GPC5: variants seen among roughly 807,000 people sequenced by gnomAD.
GPC5 encodes glypican-5.
GPC5 carries 47 observed loss-of-function variants against 53.9 expected under a neutral mutation model. The ratio of observed to expected loss-of-function variants is 0.87; its 90% CI spans 0.69 to 1.11. GPC5 has a LOEUF of 1.11. GPC5 is among the 50% of genes most tolerant of loss of function. The pLI is 0.00. For missense variants in GPC5, 748 were observed against 713.1 expected (o/e 1.05, Z -0.56); for synonymous variants, 286 against 263.3 (o/e 1.09, Z -0.84).
Position 91,482,291 on chromosome 13 carries a change from A to T in GPC5, c.325+33369A>T, listed in dbSNP as rs574195466. Reference sequence around the variant, plus strand: ...AGTGTTCTTCCTCTTGGGAGAATGTAGTGTTCAAGGTACCATCTTGGAATC... The same window carrying T: ...AGTGTTCTTCCTCTTGGGAGAATGTTGTGTTCAAGGTACCATCTTGGAATC... On this transcript the variant is annotated intron_variant, in intron 2 of 7. Transcript: ENST00000377067. Among the ~76,000 whole-genome samples, 67 of 152,270 alleles carry T rather than the reference A, an allele frequency of 4.4e-4. 1 individual carries two copies. The highest frequency in any genetic ancestry group is 3.1e-3 in the Admixed American group (47 of 15,286).
At chr13:92,326,207 T>G (rs917979357) in intron 7 of GPC5, among the ~76,000 whole-genome samples, 21 of 152,088 alleles carry the variant, frequency 1.4e-4, no homozygotes, top group Admixed American at 1.4e-3. Context: ...AGATTTCTGA[T>G]GTTCTCATTC....
intron 2 of GPC5, among the ~76,000 whole-genome samples, chr13:91,490,137 G>T (rs376742055): frequency 2.2e-4 from 34 of 151,814 alleles, no homozygotes; most frequent in Non-Finnish European, 4.0e-4. Context: ...ATTTATTTTC[G>T]CAGAAGAATG....
intron 5 of GPC5, among the ~76,000 whole-genome samples, chr13:91,893,657 T>C (rs1347207858): frequency 3.9e-5 from 6 of 152,282 alleles, no homozygotes; most frequent in Non-Finnish European, 2.9e-5. Flanking sequence ...AAATAGGACC[T>C]GTTTACATGA....
At chr13:91,844,845 C>A (rs2038830417) in intron 5 of GPC5, among the ~76,000 whole-genome samples, 1 of 152,062 alleles carries the variant, frequency 6.6e-6, no homozygotes, top group African/African-American at 2.4e-5. Context: ...CCTTTCTCTG[C>A]CTCCTGAGTA....
chr13:91,797,270 A>C (rs2038061147), intron 5 of GPC5, among the ~76,000 whole-genome samples: 1 of 152,150 alleles, frequency 6.6e-6, no homozygotes, highest in South Asian at 2.1e-4. Flanking sequence ...GTACTAGTTC[A>C]ATTAGAATGT....
intron 2 of GPC5, among the ~76,000 whole-genome samples, chr13:91,679,797 T>C (rs2035465844): frequency 6.6e-6 from 1 of 152,210 alleles, no homozygotes; most frequent in South Asian, 2.1e-4. Flanking sequence ...ACACATATTT[T>C]TCATGTTCTA....
intron 2 of GPC5, among the ~76,000 whole-genome samples, chr13:91,640,178 A>AACTATC (rs1402775873): frequency 6.6e-6 from 1 of 152,210 alleles, no homozygotes. Flanking sequence ...TAGCAAAAGA[A>AACTATC]ACTATCATTG....
intron 2 of GPC5, among the ~76,000 whole-genome samples, chr13:91,589,452 A>C (rs1424670754): frequency 6.6e-6 from 1 of 152,070 alleles, no homozygotes; most frequent in East Asian, 1.9e-4. Context: ...GAGCCTGTCC[A>C]AGACAGCTTC....
chr13:92,581,696 TC>T (rs1883376726), intron 7 of GPC5, among the ~76,000 whole-genome samples: 1 of 152,288 alleles, frequency 6.6e-6, no homozygotes, highest in East Asian at 1.9e-4. Context: ...TTAAAAAGTT[TC>T]CCCTTTCTTC....
intron 7 of GPC5, among the ~76,000 whole-genome samples, chr13:92,425,998 TC>T (rs1876815815): frequency 6.6e-6 from 1 of 152,026 alleles, no homozygotes; most frequent in South Asian, 2.1e-4. Flanking sequence ...ATTTAATCAT[TC>T]CCCTGTTGAT....
chr13:92,500,868 A>G (rs1180305534), intron 7 of GPC5, among the ~76,000 whole-genome samples: 2 of 152,176 alleles, frequency 1.3e-5, no homozygotes, highest in African/African-American at 4.8e-5. Flanking sequence ...TTTCTGGATA[A>G]AAGACCAAAA....
chr13:92,826,738 C>T (rs540590227), intron 7 of GPC5, among the ~76,000 whole-genome samples: 1 of 152,088 alleles, frequency 6.6e-6, no homozygotes, highest in Non-Finnish European at 1.5e-5. Flanking sequence ...AATTTTTTAC[C>T]AGCATTAACG....
intron 7 of GPC5, among the ~76,000 whole-genome samples, chr13:92,827,554 G>A (rs1386535112): frequency 6.6e-6 from 1 of 152,150 alleles, no homozygotes; most frequent in Non-Finnish European, 1.5e-5. Flanking sequence ...ATAACAGTGA[G>A]GGAGAGGAAT....
At chr13:92,178,873 A>C (rs1190144560) in intron 7 of GPC5, among the ~76,000 whole-genome samples, 2 of 152,122 alleles carry the variant, frequency 1.3e-5, no homozygotes, top group Non-Finnish European at 2.9e-5. Flanking sequence ...CAGGAGGCTG[A>C]AGCAGGAGAA....
At chr13:91,969,860 A>G (rs555320191) in intron 6 of GPC5, among the ~76,000 whole-genome samples, 1 of 152,262 alleles carries the variant, frequency 6.6e-6, no homozygotes, top group South Asian at 2.1e-4. Flanking sequence ...AAAACAAAAA[A>G]AGGATTACAA....
At chr13:91,638,475 C>T (rs989069222) in intron 2 of GPC5, among the ~76,000 whole-genome samples, 1 of 152,002 alleles carries the variant, frequency 6.6e-6, no homozygotes, top group Non-Finnish European at 1.5e-5. Context: ...AAGCAATTCT[C>T]CTACCCCAGC....
intron 6 of GPC5, among the ~76,000 whole-genome samples, chr13:92,105,795 T>C (rs1408640980): frequency 1.3e-5 from 2 of 152,044 alleles, no homozygotes; most frequent in Non-Finnish European, 1.5e-5. Context: ...TGTACCTATA[T>C]ATAAAACAAA....
chr13:91,451,573 T>A (rs1881177913), intron 2 of GPC5, among the ~76,000 whole-genome samples: 1 of 151,798 alleles, frequency 6.6e-6, no homozygotes, highest in Admixed American at 6.6e-5. Flanking sequence ...CTATGTATAT[T>A]CCATTTAGGC....
chr13:91,614,432 A>T (rs2139328113), intron 2 of GPC5, among the ~76,000 whole-genome samples: 1 of 152,250 alleles, frequency 6.6e-6, no homozygotes, highest in Middle Eastern at 3.4e-3. Context: ...CCTTAGCTCA[A>T]GTGATCTTCC....
Sources: gnomAD v4.1 joint callset for allele counts (sites outside exome capture counted in the v4.1 genomes callset) on GRCh38, gnomAD v4.1.1 for gene constraint, MANE v1.5 for transcripts, NCBI Gene and HGNC (gene_info 2026-07-23, HGNC 2026-07-21) for gene names.